The following SSH1 variants were observed in gnomAD, a reference collection of about 807,000 sequenced individuals.
SSH1 encodes the protein protein phosphatase Slingshot homolog 1.
A neutral mutation model predicts 79.7 loss-of-function variants in SSH1; 43 were observed. That is an observed-to-expected ratio of 0.54 (90% CI 0.42 to 0.70). The LOEUF (loss-of-function observed/expected upper bound fraction) is 0.70. SSH1 is among the 30% of genes least tolerant of loss of function. The pLI is 0.00. For missense variants in SSH1, 1,206 were observed against 1,358.8 expected (o/e 0.89, Z 1.77); for synonymous variants, 599 against 538.3 (o/e 1.11, Z -1.56).
At chr12:108,796,291 T>G (rs2036749423) in intron 13 of SSH1, among the ~76,000 whole-genome samples, 1 of 152,182 alleles carries the variant, frequency 6.6e-6, no homozygotes, top group Admixed American at 6.5e-5. Context: ...CCAGAGAGCC[T>G]CTAGAGTCTC....
In SSH1 at chr12:108,807,648, G is replaced by A. The variant is rs199735864; in HGVS notation, c.716C>T (p.Ala239Val). 2.0e-5 allele frequency: 33 copies of A among 1,612,846 alleles called. No individual in the cohort carries two copies. Among genetic ancestry groups the A allele is most frequent in the South Asian group, 1.4e-4 (13 of 90,982 alleles). ...DLESTRPDSPALFVDKPTEGE... is the reference protein window; with the variant it reads ...DLESTRPDSPVLFVDKPTEGE... The stretch of plus-strand genomic sequence containing the variant: ...CCTCACTTACTTGTCCACAAATAGC[G>A]CGGGGGAGTCGGGCCGCGTAGACTC... Residue 239 changes from alanine to valine, a missense_variant, in exon 8 of 15, where the codon GCG becomes GTG. This residue lies in a region of SSH1 where 116 missense variants were observed against 109.0 expected (regional missense o/e 1.06). Transcript: ENST00000326495. This position sits in a 1 kb window ranked among gnomAD's most constrained non-coding sequence, Gnocchi z 5.2.
At chr12:108,848,986 G>A (rs944112842) in intron 2 of SSH1, among the ~76,000 whole-genome samples, 1 of 152,148 alleles carries the variant, frequency 6.6e-6, no homozygotes, top group Non-Finnish European at 1.5e-5. Flanking sequence ...ACTTAGGCAT[G>A]CTCCCTCACC....
rs1454330346 is a variant in SSH1 at position 108,786,145 on chromosome 12, G to A, written c.*1843C>T. On this transcript the variant is annotated 3_prime_UTR_variant, in exon 15 of 15. Transcript: ENST00000326495. ...TTCTAGAATAGCTTTGGGGAACACA[G>A]TTCTGGCCAATGTTAAGATGATGGC... 1.3e-5 allele frequency: 2 copies of A among 152,216 alleles called. No homozygotes were observed. Among genetic ancestry groups the A allele is most frequent in the Admixed American group, 6.5e-5 (1 of 15,274 alleles). The allele number at this position is 152,216 out of a possible 1,614,324, so 9.4% of individuals were successfully genotyped here.
At chr12:108,823,471 G>C (rs930079169) in intron 2 of SSH1, 110 bp from the exon 3 acceptor site, 7 of 858,004 alleles carry the variant, frequency 8.2e-6, no homozygotes, top group African/African-American at 1.7e-5. Context: ...CATGTAAAAT[G>C]CAAATAGGAT....
intron 4 of SSH1, 94 bp from the exon 5 acceptor site, chr12:108,817,253 C>T: frequency 6.4e-7 from 1 of 1,566,936 alleles, no homozygotes; most frequent in Non-Finnish European, 8.7e-7. Context: ...CAGTGTTCTA[C>T]CTTTCCCTCT....
chr12:108,822,614 G>T (rs577502332), intron 3 of SSH1, among the ~76,000 whole-genome samples: 1 of 152,144 alleles, frequency 6.6e-6, no homozygotes, highest in Non-Finnish European at 1.5e-5. Flanking sequence ...GCAGGGCCAC[G>T]CAAGCATTTC....
chr12:108,803,359 C>T (rs1347225783), intron 10 of SSH1, among the ~76,000 whole-genome samples: 6 of 130,766 alleles, frequency 4.6e-5, no homozygotes, highest in African/African-American at 1.8e-4. Flanking sequence ...GGACATGGAA[C>T]GGGGGAAAAA....
chr12:108,791,816 G>C (rs187312595), intron 14 of SSH1: 3 of 458,980 alleles, frequency 6.5e-6, no homozygotes, highest in African/African-American at 6.2e-5. Context: ...TTAGATACAG[G>C]TATCTATATC....
Position 108,799,149 on chromosome 12 carries a change from C to G in SSH1, c.1200G>C (p.Ser400=), listed in dbSNP as rs142210173. The change falls in exon 13 of 15, where the codon TCG becomes TCC. Residue 400 remains serine (S), a synonymous_variant. Coordinates refer to ENST00000326495, the MANE Select transcript of SSH1 (RefSeq NM_018984.4). ...TTGCATAGGCTATGACTGTGGAGGC[C>G]GAGCGACTCACGCCCATTTTGCAAT... is the stretch of plus-strand genomic sequence containing the variant. ...LVHCKMGVSR[S]ASTVIAYAMK... is the part of the protein sequence containing the mutation. 1 of 1,614,172 alleles carries G rather than the reference C, an allele frequency of 6.2e-7. No individual in the cohort carries two copies. Among genetic ancestry groups the G allele is most frequent in the Admixed American group, 1.7e-5 (1 of 60,018 alleles).
In SSH1 at chr12:108,841,801, C is replaced by T. The variant is rs148104965; in HGVS notation, c.110+10837G>A. On this transcript the variant is annotated intron_variant, in intron 2 of 14. Transcript: ENST00000326495. ...TCCAGCCTGGTGACAGAGCAAGTCT[C>T]CATCCCCCCCCACAAAAAAAAAGTA... Among the ~76,000 whole-genome samples the T allele has an allele frequency of 8.8e-3, 1,328 of 150,058 alleles. 23 individuals carry two copies. The highest frequency in any genetic ancestry group is 0.032 in the African/African-American group (1,281 of 40,356).
intron 5 of SSH1, among the ~76,000 whole-genome samples, chr12:108,815,323 A>G (rs1296681906): frequency 6.6e-6 from 1 of 152,218 alleles, no homozygotes; most frequent in Non-Finnish European, 1.5e-5. Context: ...AGATGTTCAC[A>G]GAGGCATTTT....
Position 108,827,707 on chromosome 12 carries a change from G to A in SSH1, c.111-4346C>T, listed in dbSNP as rs914512360. ...TGTGAGGGCAAACAACTGGCCCCAA[G>A]GAACCAACCCCAAGCAACAAGACCC... On this transcript the variant is annotated intron_variant, in intron 2 of 14. Transcript: ENST00000326495. 3.3e-5 allele frequency among the ~76,000 whole-genome samples: 5 copies of A among 152,252 alleles called. No homozygotes were observed. In the South Asian group the frequency reaches 6.2e-4, roughly 19 times the overall value.
intron 2 of SSH1, among the ~76,000 whole-genome samples, chr12:108,848,262 A>C (rs1241030497): frequency 6.6e-6 from 1 of 152,186 alleles, no homozygotes; most frequent in Non-Finnish European, 1.5e-5. Context: ...GAGAAAAAGA[A>C]GGCAGGTGGC....
intron 2 of SSH1, among the ~76,000 whole-genome samples, chr12:108,832,332 G>GA (rs2038495312): frequency 1.6e-5 from 2 of 128,756 alleles, no homozygotes; most frequent in Non-Finnish European, 3.3e-5. Context: ...AGAAAAGAAA[G>GA]AAAAGAAAAT....
chr12:108,808,130 G>T (rs1387137521), intron 7 of SSH1, among the ~76,000 whole-genome samples: 1 of 152,148 alleles, frequency 6.6e-6, no homozygotes, highest in Non-Finnish European at 1.5e-5. Context: ...GAGAGACAGG[G>T]TTTCACAATG....
At chr12:108,836,945 T>C (rs1032158736) in intron 2 of SSH1, 4 of 530,460 alleles carry the variant, frequency 7.5e-6, no homozygotes, top group Admixed American at 5.9e-5. Context: ...CATGTCCAGG[T>C]CATGGTCGAC....
At chr12:108,833,046 G>A (rs1385301821) in intron 2 of SSH1, among the ~76,000 whole-genome samples, 1 of 152,134 alleles carries the variant, frequency 6.6e-6, no homozygotes, top group Admixed American at 6.6e-5. Flanking sequence ...ATGTCCAAAA[G>A]TATTTCAGAC....
At chr12:108,796,376 C>G (rs1385533421) in intron 13 of SSH1, among the ~76,000 whole-genome samples, 1 of 152,228 alleles carries the variant, frequency 6.6e-6, no homozygotes, top group Non-Finnish European at 1.5e-5. Flanking sequence ...TTCTTCCAGT[C>G]CCTGGCAACC....
chr12:108,787,749 G>T lies in SSH1; in HGVS notation c.*239C>A, dbSNP rs2036323610. On this transcript the variant is annotated 3_prime_UTR_variant, in exon 15 of 15. Transcript: ENST00000326495. Reference sequence around the variant, plus strand: ...GAAGACACGGTGGGAGCGGAGTTTTGTGTCTCCTGGCCGGCGGCTCCTGGT... The same window carrying T: ...GAAGACACGGTGGGAGCGGAGTTTTTTGTCTCCTGGCCGGCGGCTCCTGGT... 5 of 571,866 alleles carry T rather than the reference G, an allele frequency of 8.7e-6. No individual in the cohort carries two copies. Among genetic ancestry groups the T allele is most frequent in the South Asian group, 2.0e-5 (1 of 49,016 alleles). 35.4% of individuals were successfully genotyped at this position (571,866 alleles called of 1,614,324 possible). A position where few individuals can be genotyped will look rare whatever the true frequency, so the allele number is the denominator to read the frequency against.
Sources: gnomAD v4.1 joint callset for allele counts (sites outside exome capture counted in the v4.1 genomes callset) on GRCh38, gnomAD v4.1.1 for gene constraint, gnomAD v4.1.1 regional missense constraint, Gnocchi (gnomAD v3.1) non-coding constraint, MANE v1.5 for transcripts, NCBI Gene and HGNC (gene_info 2026-07-23, HGNC 2026-07-21) for gene names.